Variants in ZNF678 observed in about 807,000 individuals in gnomAD.
ZNF678 encodes zinc finger protein 678.
Under a neutral mutation model 3.0 loss-of-function variants are expected in ZNF678, and 5 were observed. That is an observed-to-expected ratio of 1.69 (90% CI 0.88 to 3.56). ZNF678 has a LOEUF of 3.56. ZNF678 is among the 30% of genes most tolerant of loss of function. ZNF678 has a pLI of 0.00. For missense variants in ZNF678, 593 were observed against 605.0 expected, an observed-to-expected ratio of 0.98 and a Z score of 0.21; for synonymous variants, 218 against 199.6, an observed-to-expected ratio of 1.09 and a Z score of -0.78.
intron 1 of ZNF678, among the ~76,000 whole-genome samples, chr1:227,636,864 C>T (rs1232132943): frequency 1.3e-5 from 2 of 152,082 alleles, no homozygotes; most frequent in Admixed American, 6.6e-5. Context: ...GTCAAATTGG[C>T]AGATAAACCC....
rs935322910 is a variant in ZNF678, at chr1:227,656,334, G to A, written c.*506G>A. On this transcript the variant is annotated 3_prime_UTR_variant, in exon 4 of 4. Transcript: ENST00000343776. The stretch of plus-strand genomic sequence containing the variant: ...GTTAAAATAGATAATTTAGTTGTAT[G>A]TAAATTTAAATGAATCAAGAGATGA... The A allele has an allele frequency of 1.3e-5, 2 of 151,850 alleles. No individual in the cohort carries two copies. The highest frequency in any genetic ancestry group is 4.8e-5 in the African/African-American group (2 of 41,396). The allele number at this position is 151,850 out of a possible 1,614,324, so 9.4% of individuals were successfully genotyped here. A position where few individuals can be genotyped will look rare whatever the true frequency, so the allele number is the denominator to read the frequency against.
Position 227,593,865 on chromosome 1 carries a change from C to T in ZNF678, c.-164+30141C>T, listed in dbSNP as rs113617801. ...GGTGTTATGAGTCCATCCCCCCCCC[C>T]CCTTTTTTTTTTTTTTGATGTACGA... On this transcript the variant is annotated intron_variant, in intron 1 of 3. Coordinates refer to ENST00000343776, the MANE Select transcript of ZNF678 (RefSeq NM_001367909.1). Among the ~76,000 whole-genome samples the T allele has an allele frequency of 1.9e-4, 22 of 117,204 alleles. No individual in the cohort carries two copies. In the East Asian group the frequency reaches 6.3e-3, roughly 34 times the overall value. The allele number at this position is 117,204 out of a possible 152,430, so 76.9% of individuals were successfully genotyped here. A position where few individuals can be genotyped will look rare whatever the true frequency, so the allele number is the denominator to read the frequency against.
chr1:227,651,480 C>T (rs1024710797), intron 3 of ZNF678, among the ~76,000 whole-genome samples: 1 of 152,080 alleles, frequency 6.6e-6, no homozygotes, highest in Non-Finnish European at 1.5e-5. Flanking sequence ...CATCTATGGC[C>T]GTGAATGAGC....
At chr1:227,670,536 CT>C (rs1322210546) in intron 5 of ZNF678, among the ~76,000 whole-genome samples, 2 of 152,142 alleles carry the variant, frequency 1.3e-5, no homozygotes, top group African/African-American at 4.8e-5. Context: ...TGGCTGAGGG[CT>C]TTTTGCCTCC....
intron 1 of ZNF678, among the ~76,000 whole-genome samples, chr1:227,592,380 G>A (rs1657439314): frequency 6.6e-6 from 1 of 152,150 alleles, no homozygotes; most frequent in Non-Finnish European, 1.5e-5. Context: ...TAGACATGGG[G>A]GCCAGACTTT....
intron 1 of ZNF678, among the ~76,000 whole-genome samples, chr1:227,570,250 C>G (rs1334451457): frequency 3.9e-5 from 6 of 152,190 alleles, no homozygotes; most frequent in Non-Finnish European, 7.3e-5. Context: ...GACTTTTGAA[C>G]TGTTTTGTGT....
chr1:227,611,546 C>T (rs1227936441), intron 1 of ZNF678, among the ~76,000 whole-genome samples: 3 of 152,164 alleles, frequency 2.0e-5, no homozygotes, highest in African/African-American at 7.2e-5. Context: ...AAGACATTCA[C>T]CTTCATCTGT....
At chr1:227,664,394 T>C (rs1157645521), downstream of ZNF678, among the ~76,000 whole-genome samples, 2 of 152,030 alleles carry the variant, frequency 1.3e-5, no homozygotes, top group African/African-American at 4.8e-5. Context: ...TGTCCAGAAA[T>C]AGCCTCCTCA....
intron 1 of ZNF678, among the ~76,000 whole-genome samples, chr1:227,592,358 T>C (rs917337013): frequency 1.3e-5 from 2 of 152,258 alleles, no homozygotes; most frequent in African/African-American, 4.8e-5. Flanking sequence ...GGGCCATTGC[T>C]GCCAGGGCCC....
rs1398759013 is a variant in ZNF678, at chr1:227,659,223, CTT to C, written c.*3396_*3397del. The C allele has an allele frequency of 6.6e-6, 1 of 152,028 alleles. No individual in the cohort carries two copies. The highest frequency in any genetic ancestry group is 2.4e-5 in the African/African-American group (1 of 41,396). 9.4% of individuals were successfully genotyped at this position (152,028 alleles called of 1,614,324 possible). On this transcript the variant is annotated 3_prime_UTR_variant, in exon 4 of 4. Transcript: ENST00000343776. ...TTTTCTTCCCCATTGATACTGGAAT[CTT>C]GGGAAGTTTCTTACTCATATCACAA...
rs774896210 is a variant in ZNF678 at position 227,655,118 on chromosome 1, G to A, written c.868G>A (p.Glu290Lys). 6.2e-7 allele frequency: 1 copy of A among 1,613,028 alleles called. No homozygotes were observed. The highest frequency in any genetic ancestry group is 1.3e-5 in the African/African-American group (1 of 74,864). The change falls in exon 4 of 4, where the codon GAG (glutamate) becomes AAG (lysine). Residue 290 changes from glutamate to lysine, a missense_variant. Transcript: ENST00000343776. ...TAGACATAGGAGAATTCATACTGGAGAGAAACCCTACAAATGTGAAGAATG... is the reference window on the plus strand; with the variant it reads ...TAGACATAGGAGAATTCATACTGGAAAGAAACCCTACAAATGTGAAGAATG... ...LTRHRRIHTG[E>K]KPYKCEECGK...
chr1:227,632,152 T>G (rs1489163986), intron 1 of ZNF678, among the ~76,000 whole-genome samples: 1 of 152,158 alleles, frequency 6.6e-6, no homozygotes, highest in Non-Finnish European at 1.5e-5. Context: ...ACTGCCTATG[T>G]CAAGAGCTGT....
At chr1:227,577,516 T>C (rs1005756708) in intron 1 of ZNF678, among the ~76,000 whole-genome samples, 1 of 152,232 alleles carries the variant, frequency 6.6e-6, no homozygotes, top group African/African-American at 2.4e-5. Context: ...TTTTGATCTT[T>C]GTTGGTTTAA....
At chr1:227,625,230 A>G (rs1315473297) in intron 1 of ZNF678, among the ~76,000 whole-genome samples, 1 of 152,202 alleles carries the variant, frequency 6.6e-6, no homozygotes. Flanking sequence ...AGCTAGGCTT[A>G]GGAATTCTTC....
intron 1 of ZNF678, among the ~76,000 whole-genome samples, chr1:227,627,202 A>G (rs1312780370): frequency 2.6e-5 from 4 of 151,834 alleles, no homozygotes; most frequent in Non-Finnish European, 5.9e-5. Flanking sequence ...GATGGGTGCT[A>G]TCAATGCCTA....
chr1:227,583,333 TTC>T (rs1657177511), intron 1 of ZNF678, among the ~76,000 whole-genome samples: 1 of 151,056 alleles, frequency 6.6e-6, no homozygotes, highest in South Asian at 2.1e-4. Context: ...TTTAGAAAAT[TTC>T]TTTTTTTTTC....
intron 1 of ZNF678, among the ~76,000 whole-genome samples, chr1:227,637,137 G>A (rs1217008836): frequency 6.6e-6 from 1 of 152,138 alleles, no homozygotes; most frequent in Non-Finnish European, 1.5e-5. Flanking sequence ...GGAGGCATCT[G>A]GAAGGGGTTG....
chr1:227,573,700 T>TAACAA (rs202039688), intron 1 of ZNF678, among the ~76,000 whole-genome samples: 32,651 of 151,736 alleles, frequency 0.22, 3,984 homozygotes, highest in African/African-American at 0.33. Flanking sequence ...AGTTCAGGGG[T>TAACAA]ACATGTGCAG....
At position 227,632,533 on chromosome 1, in the gene ZNF678, C is replaced by T. The variant is rs187047285; in HGVS notation, c.-163-14011C>T. 4.0e-3 allele frequency among the ~76,000 whole-genome samples: 608 copies of T among 152,204 alleles called. 5 individuals are homozygous for T. Among genetic ancestry groups the T allele is most frequent in the African/African-American group, 0.013 (559 of 41,544 alleles). Reference sequence around the variant, plus strand: ...AACAGCTTTCTGCCTCTAGTCGGCCCTCGGCTTCCCCCAGGAATATTGTGA... The same window carrying T: ...AACAGCTTTCTGCCTCTAGTCGGCCTTCGGCTTCCCCCAGGAATATTGTGA... On this transcript the variant is annotated intron_variant, in intron 1 of 3. Transcript: ENST00000343776.
Sources: gnomAD v4.1 joint callset for allele counts (sites outside exome capture counted in the v4.1 genomes callset) on GRCh38, gnomAD v4.1.1 for gene constraint, MANE v1.5 for transcripts, NCBI Gene and HGNC (gene_info 2026-07-23, HGNC 2026-07-21) for gene names.